PDE6D: variants seen among roughly 807,000 people sequenced by gnomAD.
PDE6D encodes the protein phosphodiesterase 6D, also known as retinal rod rhodopsin-sensitive cGMP 3',5'-cyclic phosphodiesterase subunit delta.
A neutral mutation model predicts 21.9 loss-of-function variants in PDE6D; 10 were observed. The ratio of observed to expected loss-of-function variants is 0.46; its 90% confidence interval spans 0.28 to 0.78. The LOEUF (loss-of-function observed/expected upper bound fraction) is 0.78. Among genes scored for constraint, PDE6D ranks in the 30% least tolerant of loss-of-function variants. PDE6D has a pLI of 0.12. For missense variants in PDE6D, 139 were observed against 184.8 expected (o/e 0.75, Z 1.44); for synonymous variants, 59 against 63.5 (o/e 0.93, Z 0.34).
At chr2:231,773,786 G>GTATA (rs1186332899) in intron 1 of PDE6D, among the ~76,000 whole-genome samples, 2 of 152,066 alleles carry the variant, frequency 1.3e-5, no homozygotes, top group African/African-American at 4.8e-5. Context: ...TAAACATGAG[G>GTATA]TATATATCAA....
At chr2:231,766,647 A>C (rs1392088574) in intron 1 of PDE6D, among the ~76,000 whole-genome samples, 1 of 152,176 alleles carries the variant, frequency 6.6e-6, no homozygotes, top group East Asian at 1.9e-4. Context: ...GTTTTTAAAA[A>C]ATGCTATAGT....
chr2:231,737,056 TACCCTTGG>T, intron 4 of PDE6D, 123 bp downstream of exon 4: 1 of 470,874 alleles, frequency 2.1e-6, no homozygotes. Context: ...GAAACCTAGA[TACCCTTGG>T]ATACTCTTTT....
chr2:231,761,160 T>C (rs1403752005), intron 1 of PDE6D, among the ~76,000 whole-genome samples: 1 of 152,098 alleles, frequency 6.6e-6, no homozygotes. Flanking sequence ...GGCCCAACAA[T>C]GGCTATAAAT....
At chr2:231,772,508 A>C (rs1471025234) in intron 1 of PDE6D, among the ~76,000 whole-genome samples, 1 of 152,222 alleles carries the variant, frequency 6.6e-6, no homozygotes. Context: ...TACGCATTCA[A>C]GCAATTATTA....
At chr2:231,762,613 G>A (rs989906686) in intron 1 of PDE6D, among the ~76,000 whole-genome samples, 3 of 152,082 alleles carry the variant, frequency 2.0e-5, no homozygotes, top group Non-Finnish European at 4.4e-5. Context: ...TCAAAGTGCT[G>A]GGATTACAGG....
chr2:231,756,542 T>G (rs1393475863), intron 1 of PDE6D, among the ~76,000 whole-genome samples: 2 of 151,746 alleles, frequency 1.3e-5, no homozygotes. Context: ...GTGCCAGCAA[T>G]TCTTCCCACC....
intron 1 of PDE6D, among the ~76,000 whole-genome samples, chr2:231,744,547 C>T (rs1166639156): frequency 6.6e-6 from 1 of 151,804 alleles, no homozygotes; most frequent in Non-Finnish European, 1.5e-5. Context: ...GATTCTCCTG[C>T]CTCAGCCTCC....
chr2:231,748,006 T>A (rs2048808265), intron 1 of PDE6D, among the ~76,000 whole-genome samples: 2 of 152,236 alleles, frequency 1.3e-5, no homozygotes. Flanking sequence ...TTAAAGCTTT[T>A]TTTTTGTTGT....
chr2:231,770,562 A>C (rs1400717247), intron 1 of PDE6D, among the ~76,000 whole-genome samples: 1 of 152,200 alleles, frequency 6.6e-6, no homozygotes, highest in East Asian at 1.9e-4. Context: ...CATGTCTGTT[A>C]ATTCCAGCAC....
At chr2:231,734,944 T>TA (rs1187053251) in intron 4 of PDE6D, among the ~76,000 whole-genome samples, 1 of 150,862 alleles carries the variant, frequency 6.6e-6, no homozygotes, top group African/African-American at 2.4e-5. Flanking sequence ...CTACTGTAAT[T>TA]AAAAAATCTA....
At chr2:231,771,548 T>G in intron 1 of PDE6D, among the ~76,000 whole-genome samples, 1 of 152,234 alleles carries the variant, frequency 6.6e-6, no homozygotes, top group East Asian at 1.9e-4. Flanking sequence ...GAGATATTAC[T>G]AGACCATGCT....
chr2:231,775,711 C>T (rs183634755), intron 1 of PDE6D, among the ~76,000 whole-genome samples: 1 of 152,134 alleles, frequency 6.6e-6, no homozygotes, highest in East Asian at 1.9e-4. Flanking sequence ...TGTTCATATC[C>T]TTTGTCCACT....
At chr2:231,760,066 G>C (rs1156241774) in intron 1 of PDE6D, among the ~76,000 whole-genome samples, 1 of 152,130 alleles carries the variant, frequency 6.6e-6, no homozygotes, top group Non-Finnish European at 1.5e-5. Context: ...CAATAAAATA[G>C]GAAAACCTTC....
In PDE6D at chr2:231,737,284, A is replaced by T; in HGVS notation, c.274T>A (p.Phe92Ile). Reference sequence around the variant, plus strand: ...TTAGGGATCACAAAGCCAAACTCGAAGAACCATTCTGAAGGAAGAAGGAAA... The same window carrying T: ...TTAGGGATCACAAAGCCAAACTCGATGAACCATTCTGAAGGAAGAAGGAAA... ...FKGQCLEEWFFEFGFVIPNST... is the reference protein window; with the variant it reads ...FKGQCLEEWFIEFGFVIPNST... The change falls in exon 4 of 5, where the codon TTC becomes ATC. Residue 92 changes from phenylalanine (F) to isoleucine (I), a missense_variant. By Grantham distance (21) the Phe-to-Ile change is conservative. Transcript: ENST00000287600. The T allele has an allele frequency of 1.2e-6, 2 of 1,603,152 alleles. No individual in the cohort carries two copies. The highest frequency in any genetic ancestry group is 1.7e-6 in the Non-Finnish European group (2 of 1,170,102).
intron 1 of PDE6D, among the ~76,000 whole-genome samples, chr2:231,760,730 T>C (rs2048918881): frequency 6.6e-6 from 1 of 152,190 alleles, no homozygotes; most frequent in African/African-American, 2.4e-5. Flanking sequence ...GGATACAAGA[T>C]GCCAGATCAG....
At chr2:231,779,668 TAA>T (rs2049086407) in intron 1 of PDE6D, among the ~76,000 whole-genome samples, 1 of 152,220 alleles carries the variant, frequency 6.6e-6, no homozygotes, top group Admixed American at 6.5e-5. Context: ...CATGGAGCTA[TAA>T]AAGAGGCTGC....
At chr2:231,747,972 A>C (rs2106268511) in intron 1 of PDE6D, among the ~76,000 whole-genome samples, 1 of 152,280 alleles carries the variant, frequency 6.6e-6, no homozygotes, top group Non-Finnish European at 1.5e-5. Context: ...AGGCCTCTCC[A>C]ACCATGTGGA....
intron 2 of PDE6D, 42 bp from the exon 3 acceptor site, chr2:231,738,180 A>C (rs753047741): frequency 1.3e-6 from 2 of 1,588,234 alleles, no homozygotes; most frequent in Non-Finnish European, 1.7e-6. Flanking sequence ...TCTAAATGAA[A>C]ACCACAGGAC....
intron 4 of PDE6D, among the ~76,000 whole-genome samples, chr2:231,735,148 A>C (rs1447738162): frequency 6.8e-6 from 1 of 147,218 alleles, no homozygotes; most frequent in Non-Finnish European, 1.5e-5. Context: ...AGGCTGAGGC[A>C]GGAGAAAGAT....
Sources: gnomAD v4.1 joint callset for allele counts (sites outside exome capture counted in the v4.1 genomes callset) on GRCh38, gnomAD v4.1.1 for gene constraint, MANE v1.5 for transcripts, NCBI Gene and HGNC (gene_info 2026-07-23, HGNC 2026-07-21) for gene names.